ALLC: variants seen among roughly 807,000 people sequenced by gnomAD.
The protein encoded by ALLC is allantoicase, also known as probable inactive allantoicase.
A neutral mutation model predicts 45.0 loss-of-function variants in ALLC; 40 were observed. The ratio of observed to expected loss-of-function variants is 0.89; its 90% CI spans 0.69 to 1.16. The LOEUF (loss-of-function observed/expected upper bound fraction) is 1.16. Among genes scored for constraint, ALLC ranks in the 50% most tolerant of loss-of-function variants. The pLI is 0.00. For missense variants in ALLC, 488 were observed against 493.1 expected (o/e 0.99, Z 0.10); for synonymous variants, 176 against 178.1 (o/e 0.99, Z 0.09).
rs113361142 is a variant in ALLC, at chr2:3,671,994, C to T, written c.33+804C>T. The stretch of plus-strand genomic sequence containing the variant: ...GAGGTCCTCTGGCTCTATTTAGATC[C>T]GAGGTCCTCTGGCTCTAGTTAGATC... On this transcript the variant is annotated intron_variant, in intron 2 of 11. Coordinates refer to ENST00000252505, the MANE Select transcript of ALLC (RefSeq NM_018436.4). Among the ~76,000 whole-genome samples the T allele has an allele frequency of 7.5e-5, 7 of 93,832 alleles. 2 individuals are homozygous for T. Among genetic ancestry groups the T allele is most frequent in the African/African-American group, 3.3e-4 (6 of 18,182 alleles). 61.6% of individuals were successfully genotyped at this position (93,832 alleles called of 152,430 possible).
chr2:3,646,755 C>T, the ALLC span, among the ~76,000 whole-genome samples: 8 of 152,170 alleles, frequency 5.3e-5, no homozygotes, highest in African/African-American at 1.9e-4. Context: ...ATTAACTCAC[C>T]CCTCTATCTG....
chr2:3,698,419 G>T (rs1572534626), intron 10 of ALLC, among the ~76,000 whole-genome samples: 2 of 152,174 alleles, frequency 1.3e-5, no homozygotes, highest in East Asian at 3.9e-4. Flanking sequence ...GGGATGGGAG[G>T]CACCTTTTTA....
At chr2:3,665,486 G>A (rs112317878) in intron 1 of ALLC, among the ~76,000 whole-genome samples, 32 of 152,004 alleles carry the variant, frequency 2.1e-4, no homozygotes, top group Non-Finnish European at 4.3e-4. Flanking sequence ...CCGACAGGCC[G>A]GAGTATGTGA....
chr2:3,651,527 G>A, the ALLC span, among the ~76,000 whole-genome samples: 1 of 151,742 alleles, frequency 6.6e-6, no homozygotes. Flanking sequence ...AGACTCTTCA[G>A]AAAGCACCCG....
chr2:3,659,549 A>G (rs926256813), intron 1 of ALLC, among the ~76,000 whole-genome samples: 1 of 152,196 alleles, frequency 6.6e-6, no homozygotes, highest in Non-Finnish European at 1.5e-5. Flanking sequence ...ATGAGCTTAG[A>G]AGCAGCTGCC....
chr2:3,679,347 C>T (rs1667110419), intron 4 of ALLC, among the ~76,000 whole-genome samples: 1 of 152,144 alleles, frequency 6.6e-6, no homozygotes, highest in South Asian at 2.1e-4. Flanking sequence ...GGTGTCTGAC[C>T]AGTGGTGGGG....
intron 3 of ALLC, among the ~76,000 whole-genome samples, chr2:3,675,645 A>G (rs1167422701): frequency 2.0e-5 from 3 of 152,174 alleles, no homozygotes; most frequent in Non-Finnish European, 4.4e-5. Context: ...ATGTGTATAT[A>G]TAGTCACGCT....
At chr2:3,685,108 T>A (rs567079880) in intron 7 of ALLC, among the ~76,000 whole-genome samples, 1 of 152,312 alleles carries the variant, frequency 6.6e-6, no homozygotes, top group East Asian at 1.9e-4. Flanking sequence ...GAATCTATTG[T>A]TGTTCTATTT....
At chr2:3,670,374 C>T (rs116535909) in intron 1 of ALLC, among the ~76,000 whole-genome samples, 108 of 152,290 alleles carry the variant, frequency 7.1e-4, no homozygotes, top group African/African-American at 2.5e-3. Flanking sequence ...TAGGAACAGA[C>T]GCCACCTCTT....
chr2:3,659,141 C>T (rs536404111), intron 1 of ALLC, among the ~76,000 whole-genome samples: 10 of 152,232 alleles, frequency 6.6e-5, no homozygotes, highest in South Asian at 2.1e-4. Context: ...TTATTGACAG[C>T]GATGACAAAG....
chr2:3,648,809 C>T, the ALLC span, among the ~76,000 whole-genome samples: 5 of 152,240 alleles, frequency 3.3e-5, no homozygotes, highest in Admixed American at 6.5e-5. Flanking sequence ...GGCTGGGACA[C>T]GACTTCAAGT....
At chr2:3,652,580 A>ATTT in the ALLC span, among the ~76,000 whole-genome samples, 111 of 93,342 alleles carry the variant, frequency 1.2e-3, 6 homozygotes, top group East Asian at 5.8e-3. Flanking sequence ...AAACTTTGTG[A>ATTT]TTTTTTTTTT....
chr2:3,672,686 T>C (rs1184569523), intron 2 of ALLC, among the ~76,000 whole-genome samples: 1 of 147,606 alleles, frequency 6.8e-6, no homozygotes, highest in East Asian at 2.0e-4. Flanking sequence ...CCTCTGGCTC[T>C]GGTTAGATCG....
upstream of ALLC, among the ~76,000 whole-genome samples, chr2:3,653,308 C>T (rs1186219983): frequency 6.6e-6 from 1 of 152,190 alleles, no homozygotes; most frequent in Non-Finnish European, 1.5e-5. The surrounding 1 kb of genome is among the most constrained non-coding windows in gnomAD (Gnocchi z 4.1). Flanking sequence ...GTGTGAGGGA[C>T]TGTGGCCACG....
intron 3 of ALLC, among the ~76,000 whole-genome samples, chr2:3,677,800 C>T (rs937991075): frequency 3.9e-5 from 6 of 152,234 alleles, no homozygotes; most frequent in Admixed American, 3.3e-4. Flanking sequence ...CCTCCTTGCA[C>T]GACTTGATGG....
Position 3,702,513 on chromosome 2 carries a change from C to G in ALLC, c.1126C>G (p.Arg376Gly). The G allele has an allele frequency of 6.2e-7, 1 of 1,608,502 alleles. No individual in the cohort carries two copies. ...CAGCTCCATCTGCCTCCTGAGGCCC[C>G]GGGAGAAGCCCATGTTGAAGTTCTC... ...FPSSICLLRP[R>G]EKPMLKFSVS... The change falls in exon 12 of 12, where the codon CGG becomes GGG. Residue 376 changes from arginine to glycine, a missense_variant. Physicochemically the swap from Arg to Gly is moderately radical, Grantham distance 125. Transcript: ENST00000252505.
At chr2:3,651,139 C>G in the ALLC span, among the ~76,000 whole-genome samples, 883 of 152,158 alleles carry the variant, frequency 5.8e-3, 5 homozygotes, top group Middle Eastern at 0.017. Context: ...AGCGCAGACA[C>G]ACAGCCTGGG....
chr2:3,697,124 G>T (rs112514188), intron 9 of ALLC, among the ~76,000 whole-genome samples: 6 of 152,110 alleles, frequency 3.9e-5, no homozygotes. Context: ...TTAGAAAAAC[G>T]TATCTGGGAC....
intron 1 of ALLC, among the ~76,000 whole-genome samples, chr2:3,662,958 G>A (rs1666610956): frequency 6.6e-6 from 1 of 152,186 alleles, no homozygotes; most frequent in Admixed American, 6.5e-5. Flanking sequence ...CACTAGCTTC[G>A]GAGTCAGAGG....
Sources: allele counts gnomAD v4.1 joint callset (sites outside exome capture counted in the v4.1 genomes callset), GRCh38; gene constraint gnomAD v4.1.1; non-coding constraint Gnocchi (gnomAD v3.1); transcripts MANE v1.5; gene names NCBI Gene and HGNC (gene_info 2026-07-23, HGNC 2026-07-21).